Variants in LEKR1 observed in about 807,000 individuals in gnomAD.
The protein encoded by LEKR1 is protein LEKR1.
In LEKR1, 59 loss-of-function variants were observed where a neutral mutation model predicts 72.4. The observed-to-expected ratio is 0.82, with a 90% CI of 0.66 to 1.01. The LOEUF is 1.01. Among genes scored for constraint, LEKR1 ranks in the 50% least tolerant of loss-of-function variants. The pLI is 0.00. For missense variants in LEKR1, 728 were observed against 759.2 expected, an observed-to-expected ratio of 0.96 and a Z score of 0.48; for synonymous variants, 257 against 263.2, an observed-to-expected ratio of 0.98 and a Z score of 0.23.
chr3:156,861,841 C>G (rs1481759574), intron 3 of LEKR1, among the ~76,000 whole-genome samples: 1 of 151,970 alleles, frequency 6.6e-6, no homozygotes, highest in Non-Finnish European at 1.5e-5. Flanking sequence ...GATCTAAGAT[C>G]AGCTAATCTT....
intron 10 of LEKR1, among the ~76,000 whole-genome samples, chr3:157,021,420 A>G (rs962918853): frequency 2.0e-5 from 3 of 152,016 alleles, no homozygotes; most frequent in East Asian, 3.9e-4. Context: ...TAGGTCTAAC[A>G]TTTAAGTCTT....
intron 3 of LEKR1, among the ~76,000 whole-genome samples, chr3:156,914,373 C>G (rs1180231303): frequency 6.6e-6 from 1 of 152,118 alleles, no homozygotes. Context: ...TCCATGTATT[C>G]TCATTATTCA....
Position 157,045,482 on chromosome 3 carries a change from A to C in LEKR1, c.1811A>C (p.Lys604Thr). 1.9e-6 allele frequency: 3 copies of C among 1,614,144 alleles called. No individual in the cohort carries two copies. The highest frequency in any genetic ancestry group is 2.5e-6 in the Non-Finnish European group (3 of 1,180,010). ...CCATTCTCACCGTGTTCCCTCAGCA[A>C]GGGCAGCCTAACCTCCCCTGCTGCA... ...SLPFSPCSLS[K>T]GSLTSPAAAV... The change falls in exon 13 of 13, where the codon AAG (lysine) becomes ACG (threonine). Residue 604 changes from lysine (K) to threonine (T), a missense_variant. By Grantham distance (78) the Lys-to-Thr change is moderately conservative. Transcript: ENST00000356539.
chr3:156,972,357 G>T (rs111914640), intron 6 of LEKR1, among the ~76,000 whole-genome samples: 3,144 of 151,984 alleles, frequency 0.021, 104 homozygotes, highest in African/African-American at 0.066. Context: ...GTCGGAGGAG[G>T]GGGGAGGGAT....
At chr3:156,867,233 T>TAA (rs1717415890) in intron 3 of LEKR1, among the ~76,000 whole-genome samples, 1 of 152,084 alleles carries the variant, frequency 6.6e-6, no homozygotes, top group African/African-American at 2.4e-5. Context: ...TAGCTTATTA[T>TAA]AAGTAAGACG....
chr3:156,853,828 T>C (rs1715690042), intron 3 of LEKR1, among the ~76,000 whole-genome samples: 1 of 152,140 alleles, frequency 6.6e-6, no homozygotes, highest in Non-Finnish European at 1.5e-5. Context: ...TAAAGTATTT[T>C]ATGATATTTT....
chr3:156,937,546 A>T (rs902441803), intron 5 of LEKR1, among the ~76,000 whole-genome samples: 1 of 152,348 alleles, frequency 6.6e-6, no homozygotes, highest in Non-Finnish European at 1.5e-5. Context: ...CAGAGAAACT[A>T]GTTTACTCAG....
At chr3:156,853,258 C>T (rs1049191146) in intron 3 of LEKR1, 9 of 213,434 alleles carry the variant, frequency 4.2e-5, no homozygotes, top group African/African-American at 6.9e-5. Flanking sequence ...ATATATCTTA[C>T]GTTTTATTAT....
intron 12 of LEKR1, among the ~76,000 whole-genome samples, chr3:157,028,895 AT>A (rs1734401071): frequency 6.6e-6 from 1 of 152,178 alleles, no homozygotes; most frequent in Non-Finnish European, 1.5e-5. Context: ...TGTATGTATG[AT>A]TATTTCAGTG....
At chr3:156,833,818 A>T (rs1384148355) in intron 2 of LEKR1, among the ~76,000 whole-genome samples, 1 of 152,160 alleles carries the variant, frequency 6.6e-6, no homozygotes, top group Non-Finnish European at 1.5e-5. Context: ...CAGAAGTGAT[A>T]ACTCAAAAAT....
intron 7 of LEKR1, among the ~76,000 whole-genome samples, chr3:156,985,829 C>T (rs959933866): frequency 1.6e-5 from 2 of 125,428 alleles, no homozygotes; most frequent in Non-Finnish European, 3.2e-5. Flanking sequence ...GGCAGCAAAG[C>T]GAGACTCTGT....
In LEKR1 at chr3:156,978,641, T is replaced by C. The variant is rs867847917; in HGVS notation, c.746-553T>C. On this transcript the variant is annotated intron_variant, in intron 6 of 12. Coordinates refer to ENST00000356539, the MANE Select transcript of LEKR1 (RefSeq NM_001004316.3). ...TCAAATACTGCTTACATTCTCCAGT[T>C]AAAGACTCTATGGAAGCCAGTTTCC... Among the ~76,000 whole-genome samples, 125 of 152,280 alleles carry C rather than the reference T, an allele frequency of 8.2e-4. 2 individuals carry two copies. Among genetic ancestry groups the C allele is most frequent in the African/African-American group, 3.0e-3 (125 of 41,562 alleles).
intron 5 of LEKR1, among the ~76,000 whole-genome samples, chr3:156,940,034 G>T (rs1726061283): frequency 6.6e-6 from 1 of 152,112 alleles, no homozygotes; most frequent in African/African-American, 2.4e-5. Flanking sequence ...AGCTCAAAAT[G>T]CCTGCCTCTG....
chr3:157,026,354 G>A (rs1393965780), intron 11 of LEKR1, among the ~76,000 whole-genome samples: 1 of 152,154 alleles, frequency 6.6e-6, no homozygotes, highest in East Asian at 1.9e-4. Context: ...AGTTTCTTAA[G>A]AGAAGTCATA....
chr3:156,985,331 T>C (rs1486747020), intron 7 of LEKR1, among the ~76,000 whole-genome samples: 1 of 152,208 alleles, frequency 6.6e-6, no homozygotes, highest in South Asian at 2.1e-4. Context: ...AGTTAAGATA[T>C]GAATAACAGA....
At chr3:156,960,163 G>A (rs2107983023) in intron 6 of LEKR1, among the ~76,000 whole-genome samples, 1 of 152,098 alleles carries the variant, frequency 6.6e-6, no homozygotes, top group East Asian at 1.9e-4. Context: ...AACTCTGATG[G>A]CATTTTCTTG....
intron 6 of LEKR1, among the ~76,000 whole-genome samples, chr3:156,974,680 G>T (rs1216786322): frequency 2.0e-5 from 3 of 152,026 alleles, no homozygotes; most frequent in Non-Finnish European, 2.9e-5. Flanking sequence ...TACAAAACAT[G>T]CTATCATCCT....
chr3:156,998,397 C>T (rs756573069), intron 9 of LEKR1, among the ~76,000 whole-genome samples: 20 of 152,082 alleles, frequency 1.3e-4, no homozygotes, highest in South Asian at 2.1e-4. Flanking sequence ...TCGCTTACAC[C>T]AGCATGTGGC....
chr3:156,899,339 TACAC>T (rs1180338328), intron 3 of LEKR1, among the ~76,000 whole-genome samples: 18 of 122,574 alleles, frequency 1.5e-4, no homozygotes, highest in Non-Finnish European at 2.5e-4. Flanking sequence ...TATACATATA[TACAC>T]ATATATACAT....
Sources: gnomAD v4.1 joint callset for allele counts (sites outside exome capture counted in the v4.1 genomes callset) on GRCh38, gnomAD v4.1.1 for gene constraint, MANE v1.5 for transcripts, NCBI Gene and HGNC (gene_info 2026-07-23, HGNC 2026-07-21) for gene names.